The following UBE2F variants were observed in gnomAD, a reference collection of about 807,000 sequenced individuals.
UBE2F encodes the protein ubiquitin conjugating enzyme E2 F (putative).
In UBE2F, 5 loss-of-function variants were observed where a neutral mutation model predicts 29.6. The ratio of observed to expected loss-of-function variants is 0.17; its 90% CI spans 0.09 to 0.36. The LOEUF (loss-of-function observed/expected upper bound fraction) is 0.36, where lower values mean the gene tolerates loss of function less well. UBE2F is among the 10% of genes least tolerant of loss of function. UBE2F has a pLI of 1.00. For synonymous variants in UBE2F, 66 were observed against 81.8 expected, an observed-to-expected ratio of 0.81 and a Z score of 1.04; for missense variants, 141 against 228.5, an observed-to-expected ratio of 0.62 and a Z score of 2.47.
At chr2:238,037,737 C>A (rs2064747025) in intron 9 of UBE2F, among the ~76,000 whole-genome samples, 2 of 152,132 alleles carry the variant, frequency 1.3e-5, no homozygotes, top group Admixed American at 6.5e-5. Context: ...TCCTGAGTAG[C>A]TGGGACTGTG....
At chr2:238,002,600 T>G (rs544770628) in intron 4 of UBE2F, among the ~76,000 whole-genome samples, 1 of 151,952 alleles carries the variant, frequency 6.6e-6, no homozygotes, top group Non-Finnish European at 1.5e-5. Context: ...GATGGTTCCA[T>G]GCATGAACAT....
chr2:238,025,936 C>T (rs73999381), intron 6 of UBE2F, among the ~76,000 whole-genome samples: 9,348 of 152,268 alleles, frequency 0.061, 378 homozygotes, highest in African/African-American at 0.12. Flanking sequence ...ACTTGTGTCC[C>T]TGATCCCTGG....
chr2:237,979,236 T>C (rs1300821575), intron 2 of UBE2F, among the ~76,000 whole-genome samples: 1 of 152,200 alleles, frequency 6.6e-6, no homozygotes, highest in Non-Finnish European at 1.5e-5. Flanking sequence ...TCTAACCTTC[T>C]CTTGTTTTGG....
intron 6 of UBE2F, among the ~76,000 whole-genome samples, chr2:238,029,723 G>T (rs2064527346): frequency 6.6e-6 from 1 of 152,208 alleles, no homozygotes; most frequent in Non-Finnish European, 1.5e-5. Context: ...GAACAACATT[G>T]TTCATGAGGC....
intron 3 of UBE2F, among the ~76,000 whole-genome samples, chr2:237,992,452 G>C (rs1399632103): frequency 2.6e-5 from 4 of 152,102 alleles, no homozygotes; most frequent in African/African-American, 9.7e-5. Flanking sequence ...TGAACTCTTT[G>C]GCTCCAGTTT....
intron 2 of UBE2F, chr2:237,986,197 T>A (rs2063479631): frequency 2.5e-6 from 1 of 396,688 alleles, no homozygotes; most frequent in Non-Finnish European, 4.9e-6. Flanking sequence ...GTGAGTGGTG[T>A]AGAGCGCAGT....
intron 4 of UBE2F, among the ~76,000 whole-genome samples, chr2:238,010,407 G>A (rs1576621070): frequency 6.6e-6 from 1 of 152,222 alleles, no homozygotes; most frequent in South Asian, 2.1e-4. Context: ...TCTTGACCTT[G>A]TGATCCGCCT....
intron 7 of UBE2F, among the ~76,000 whole-genome samples, chr2:238,031,855 T>C (rs1187392898): frequency 6.6e-6 from 1 of 152,262 alleles, no homozygotes; most frequent in African/African-American, 2.4e-5. Flanking sequence ...ATTTTGAAGG[T>C]GACTTTTTAG....
intron 9 of UBE2F, among the ~76,000 whole-genome samples, chr2:238,037,425 T>C (rs2064736754): frequency 6.6e-6 from 1 of 152,236 alleles, no homozygotes; most frequent in Non-Finnish European, 1.5e-5. Context: ...ATTGGCCCAG[T>C]GCAAAGCACA....
At chr2:238,016,735 T>A in intron 5 of UBE2F, 102 bp downstream of exon 5, 1 of 898,672 alleles carries the variant, frequency 1.1e-6, no homozygotes, top group Non-Finnish European at 1.7e-6. Flanking sequence ...CCTCTGCGTG[T>A]GTCCATGTGT....
chr2:237,999,195 G>T (rs924139614), intron 4 of UBE2F, among the ~76,000 whole-genome samples: 1 of 151,864 alleles, frequency 6.6e-6, no homozygotes, highest in Non-Finnish European at 1.5e-5. Flanking sequence ...CGATTCTCAG[G>T]CCTCAGCCTC....
chr2:238,029,772 C>T (rs1430518647), intron 6 of UBE2F, among the ~76,000 whole-genome samples: 1 of 152,202 alleles, frequency 6.6e-6, no homozygotes, highest in Non-Finnish European at 1.5e-5. Flanking sequence ...CCTTGGTTTC[C>T]TCCTGTATAA....
At position 238,025,362 on chromosome 2, in the gene UBE2F, G is replaced by A; in HGVS notation, c.303G>A (p.Leu101=). 1 of 1,614,056 alleles carries A rather than the reference G, an allele frequency of 6.2e-7. No individual in the cohort carries two copies. Among genetic ancestry groups the A allele is most frequent in the Admixed American group, 1.7e-5 (1 of 60,020 alleles). ...TGCAGCCTCCCAAAGTGAAATGCCT[G>A]ACCAAGATCTGGCACCCCAACATCA... ...YNMVPPKVKC[L]TKIWHPNITE... Residue 101 remains leucine (L), a synonymous_variant, in exon 6 of 10, where the codon CTG becomes CTA. Transcript: ENST00000272930.
intron 2 of UBE2F, among the ~76,000 whole-genome samples, chr2:237,979,201 A>G (rs1005978393): frequency 1.3e-5 from 2 of 152,164 alleles, no homozygotes; most frequent in South Asian, 2.1e-4. Flanking sequence ...CCTTGTCCCA[A>G]TCAGCCCCTG....
intron 5 of UBE2F, among the ~76,000 whole-genome samples, chr2:238,018,716 A>G (rs867382580): frequency 2.0e-5 from 3 of 152,256 alleles, no homozygotes; most frequent in African/African-American, 7.2e-5. Context: ...TAACATTCAT[A>G]TCTTTATACA....
chr2:238,009,609 A>G (rs2063973814), intron 4 of UBE2F, among the ~76,000 whole-genome samples: 1 of 152,098 alleles, frequency 6.6e-6, no homozygotes, highest in African/African-American at 2.4e-5. Flanking sequence ...TCTAAGTCTC[A>G]GCATCTCTAT....
intron 5 of UBE2F, among the ~76,000 whole-genome samples, chr2:238,017,412 G>T (rs10172855): frequency 6.6e-6 from 1 of 152,146 alleles, no homozygotes; most frequent in Non-Finnish European, 1.5e-5. Flanking sequence ...ATGAGAACTT[G>T]CAACCTGCAG....
chr2:237,974,523 T>G (rs1305299457), intron 2 of UBE2F, among the ~76,000 whole-genome samples: 3 of 143,240 alleles, frequency 2.1e-5, no homozygotes, highest in Non-Finnish European at 3.0e-5. Flanking sequence ...TTGTTTTTTT[T>G]TTTTTTTTGA....
Position 238,004,734 on chromosome 2 carries a change from G to A in UBE2F, c.214+9925G>A, listed in dbSNP as rs1559214495. Among the ~76,000 whole-genome samples the A allele has an allele frequency of 2.6e-5, 4 of 152,278 alleles. No individual in the cohort carries two copies. The East Asian group carries it at 5.8e-4, about 22-fold the overall frequency. ...TAGTCATCTGATCTTAAGGGAGGGAGATTGTCCTGGAGTTTCTAGGTGGAC... is the reference window on the plus strand; with the variant it reads ...TAGTCATCTGATCTTAAGGGAGGGAAATTGTCCTGGAGTTTCTAGGTGGAC... On this transcript the variant is annotated intron_variant, in intron 4 of 9. Coordinates refer to ENST00000272930, the MANE Select transcript of UBE2F (RefSeq NM_080678.3).
Sources: allele counts gnomAD v4.1 joint callset (sites outside exome capture counted in the v4.1 genomes callset), GRCh38; gene constraint gnomAD v4.1.1; transcripts MANE v1.5; gene names NCBI Gene and HGNC (gene_info 2026-07-23, HGNC 2026-07-21).